Variants in GRM4 observed in about 807,000 individuals in gnomAD.
GRM4 encodes glutamate metabotropic receptor 4.
Under a neutral mutation model 81.7 loss-of-function variants are expected in GRM4, and 28 were observed. That is an observed-to-expected ratio of 0.34 (90% CI 0.25 to 0.47). The LOEUF (loss-of-function observed/expected upper bound fraction) is 0.47. GRM4 is among the 20% of genes least tolerant of loss of function. The pLI, the probability that GRM4 is intolerant of heterozygous loss-of-function variation, is 1.00. For missense variants in GRM4, 948 were observed against 1,290.0 expected (o/e 0.73, Z 4.06); for synonymous variants, 488 against 528.8 (o/e 0.92, Z 1.06).
intron 2 of GRM4, chr6:34,106,002 A>G (rs12528906): frequency 0.51 from 77,183 of 151,656 alleles, 20,162 homozygotes; most frequent in Admixed American, 0.59. Flanking sequence ...TTAGCCTCCT[A>G]TTGGGCTCCG....
intron 2 of GRM4, among the ~76,000 whole-genome samples, chr6:34,096,178 ACAC>A (rs1278307399): frequency 6.6e-6 from 1 of 152,130 alleles, no homozygotes; most frequent in African/African-American, 2.4e-5. Flanking sequence ...ACCTTGTGTC[ACAC>A]CCTCATGGGG....
intron 10 of GRM4, among the ~76,000 whole-genome samples, chr6:34,026,014 C>A (rs9469687): frequency 6.6e-6 from 1 of 152,114 alleles, no homozygotes; most frequent in Non-Finnish European, 1.5e-5. Flanking sequence ...CCGGTGCTGA[C>A]AATAGGCCCT....
At position 34,069,167 on chromosome 6, in the gene GRM4, TACACACACAC is replaced by T. The variant is rs71000021; in HGVS notation, c.737-7149_737-7140del. On this transcript the variant is annotated intron_variant, in intron 3 of 10. Coordinates refer to ENST00000538487, the MANE Select transcript of GRM4 (RefSeq NM_000841.4). This position sits in a 1 kb window ranked among gnomAD's most constrained non-coding sequence, Gnocchi z 6.4. Reference sequence around the variant, plus strand: ...CTACCCCTGGACCCTCATGGGCGTATACACACACACACACACACACACACACACACACACA... The same window carrying T: ...CTACCCCTGGACCCTCATGGGCGTATACACACACACACACACACACACACA... Among the ~76,000 whole-genome samples, 24 of 134,704 alleles carry T rather than the reference TACACACACAC, an allele frequency of 1.8e-4. No individual in the cohort carries two copies. The highest frequency in any genetic ancestry group is 7.2e-4 in the East Asian group (3 of 4,176). 88.4% of individuals were successfully genotyped at this position (134,704 alleles called of 152,430 possible).
intron 1 of GRM4, among the ~76,000 whole-genome samples, chr6:34,142,351 G>A (rs545208812): frequency 1.6e-4 from 24 of 152,214 alleles, no homozygotes; most frequent in Admixed American, 3.9e-4. Flanking sequence ...CTGCCAGTGC[G>A]TCCTGCCCAC....
intron 10 of GRM4, chr6:34,024,423 C>T (rs1007244986): frequency 3.5e-6 from 1 of 286,220 alleles, no homozygotes; most frequent in African/African-American, 2.2e-5. Context: ...CCCACCCACC[C>T]ACCATGTCCT....
At chr6:34,098,500 T>A (rs944200488) in intron 2 of GRM4, among the ~76,000 whole-genome samples, 8 of 152,160 alleles carry the variant, frequency 5.3e-5, no homozygotes, top group Non-Finnish European at 1.2e-4. Flanking sequence ...GCCACCAGCC[T>A]AGGCCCAGCC....
intron 3 of GRM4, among the ~76,000 whole-genome samples, chr6:34,066,855 G>GGTCCTCACGTGGTGCCGCC (rs1332134730): frequency 1.3e-5 from 2 of 152,092 alleles, no homozygotes; most frequent in Non-Finnish European, 2.9e-5. Flanking sequence ...AGGGTGCCGC[G>GGTCCTCACGTGGTGCCGCC]GTCCTCACGT....
rs1022818417 is a variant in GRM4 at position 34,115,143 on chromosome 6, A to G, written c.519+17835T>C. ...GGTTCACCAGGGTTGAGAGGTGGTCAGGGCCCTGCCTAAACGCCAACACGC... is the reference window on the plus strand; with the variant it reads ...GGTTCACCAGGGTTGAGAGGTGGTCGGGGCCCTGCCTAAACGCCAACACGC... On this transcript the variant is annotated intron_variant, in intron 2 of 10. Coordinates refer to ENST00000538487, the MANE Select transcript of GRM4 (RefSeq NM_000841.4). The surrounding 1 kb of genome is among the most constrained non-coding windows in gnomAD (Gnocchi z 4.1). Among the ~76,000 whole-genome samples the G allele has an allele frequency of 6.6e-6, 1 of 152,194 alleles. No individual in the cohort carries two copies. Among genetic ancestry groups the G allele is most frequent in the African/African-American group, 2.4e-5 (1 of 41,442 alleles).
chr6:34,024,781 A>C (rs987304182), intron 10 of GRM4: 27 of 455,916 alleles, frequency 5.9e-5, no homozygotes, highest in South Asian at 4.2e-4. Flanking sequence ...GCAAGTTTCA[A>C]GGTTTATGTG....
chr6:34,040,223 G>C lies in GRM4; in HGVS notation c.1461C>G (p.Ala487=). The C allele has an allele frequency of 6.2e-7, 1 of 1,614,102 alleles. No individual in the cohort carries two copies. The highest frequency in any genetic ancestry group is 1.6e-4 in the Middle Eastern group (1 of 6,062). Residue 487 remains alanine, a synonymous_variant, in exon 8 of 11, where the codon GCC becomes GCG. Coordinates refer to ENST00000538487, the MANE Select transcript of GRM4 (RefSeq NM_000841.4). ...IYQYQLRNDS[A]EYKVIGSWTD... ...TCCAGGAGCCAATGACCTTGTACTC[G>C]GCAGAATCGTTGCGCAGCTGGTATT...
upstream of GRM4, among the ~76,000 whole-genome samples, chr6:34,147,000 T>TC (rs1397429677): frequency 6.7e-6 from 1 of 150,072 alleles, no homozygotes; most frequent in Non-Finnish European, 1.5e-5. Context: ...AAACCACATC[T>TC]CGTTCAGCAT....
chr6:34,140,610 C>A (rs1411283159), intron 1 of GRM4, among the ~76,000 whole-genome samples: 1 of 152,204 alleles, frequency 6.6e-6, no homozygotes, highest in African/African-American at 2.4e-5. Context: ...TCTCCCAGAG[C>A]CAGGGGACCA....
At chr6:34,038,314 TG>T (rs1166577954) in intron 8 of GRM4, among the ~76,000 whole-genome samples, 1 of 152,258 alleles carries the variant, frequency 6.6e-6, no homozygotes, top group African/African-American at 2.4e-5. Context: ...CTTTGTTACT[TG>T]GAGTGACCTC....
At chr6:34,079,445 C>T (rs1189859484) in intron 3 of GRM4, among the ~76,000 whole-genome samples, 1 of 152,200 alleles carries the variant, frequency 6.6e-6, no homozygotes, top group Non-Finnish European at 1.5e-5. Flanking sequence ...TCAAACCTCT[C>T]GTCCCAGCTT....
At chr6:34,057,759 C>T (rs1442809192) in intron 5 of GRM4, among the ~76,000 whole-genome samples, 3 of 152,200 alleles carry the variant, frequency 2.0e-5, no homozygotes, top group Non-Finnish European at 2.9e-5. Flanking sequence ...CTCTGCCACT[C>T]GCTGTACTGT....
intron 2 of GRM4, among the ~76,000 whole-genome samples, chr6:34,107,375 G>T (rs549817869): frequency 6.6e-6 from 1 of 152,104 alleles, no homozygotes; most frequent in Non-Finnish European, 1.5e-5. Flanking sequence ...TGTGCCTGGC[G>T]CCATGGCAAG....
Position 34,152,529 on chromosome 6 carries a change from G to C in GRM4, c.312+2550C>G, listed in dbSNP as rs76388884. Among the ~76,000 whole-genome samples, 990 of 152,134 alleles carry C rather than the reference G, an allele frequency of 6.5e-3. 6 individuals carry two copies. The highest frequency in any genetic ancestry group is 0.015 in the Admixed American group (229 of 15,272). ...AGCAGCATTTCTGCAAACACCCCTT[G>C]TCCTCCTCCTCCTCTTCAGCTTTCT... is the stretch of plus-strand genomic sequence containing the variant. On this transcript the variant is annotated intron_variant, in intron 1 of 8. Transcript: ENST00000374177. The surrounding 1 kb of genome is among the most constrained non-coding windows in gnomAD (Gnocchi z 4.1).
chr6:34,148,385 C>T (rs1412171098), upstream of GRM4, among the ~76,000 whole-genome samples: 3 of 70,678 alleles, frequency 4.2e-5, no homozygotes, highest in Non-Finnish European at 7.8e-5. Flanking sequence ...GACTCACACA[C>T]ACACACACAG....
rs747787650 is a variant in GRM4 at position 34,155,324 on chromosome 6, G to C, written c.67C>G (p.Arg23Gly). ...CAGGGGTGGGGTGCGATGCAGAGGCGTAGAGGGGAGCAAGGAGGGGCGCGC... is the reference window on the plus strand; with the variant it reads ...CAGGGGTGGGGTGCGATGCAGAGGCCTAGAGGGGAGCAAGGAGGGGCGCGC... Residue 23 changes from arginine (R) to glycine (G), a missense_variant, in exon 1 of 9, where the codon CGC (arginine) becomes GGC (glycine). Physicochemically the swap from Arg to Gly is moderately radical, Grantham distance 125 (BLOSUM62 -2). Transcript: ENST00000374177. 2.6e-6 allele frequency: 4 copies of C among 1,521,362 alleles called. No individual in the cohort carries two copies. The South Asian group carries it at 4.8e-5, about 18-fold the overall frequency. 94.2% of individuals were successfully genotyped at this position (1,521,362 alleles called of 1,614,324 possible). A position where few individuals can be genotyped will look rare whatever the true frequency, so the allele number is the denominator to read the frequency against.
Sources: gnomAD v4.1 joint callset for allele counts (sites outside exome capture counted in the v4.1 genomes callset) on GRCh38, gnomAD v4.1.1 for gene constraint, Gnocchi (gnomAD v3.1) non-coding constraint, MANE v1.5 for transcripts, NCBI Gene and HGNC (gene_info 2026-07-23, HGNC 2026-07-21) for gene names.